Variants in DSC2 observed in about 807,000 individuals in gnomAD.
The protein encoded by DSC2 is desmocollin 2, also known as desmocollin-2.
Under a neutral mutation model 87.6 loss-of-function variants are expected in DSC2, and 51 were observed. The ratio of observed to expected loss-of-function variants is 0.58; its 90% CI spans 0.46 to 0.74. The LOEUF is 0.74. Among genes scored for constraint, DSC2 ranks in the 30% least tolerant of loss-of-function variants. The pLI, the probability that DSC2 is intolerant of heterozygous loss-of-function variation, is 0.00. For missense variants in DSC2, 1,066 were observed against 1,089.5 expected, an observed-to-expected ratio of 0.98 and a Z score of 0.30; for synonymous variants, 383 against 393.2, an observed-to-expected ratio of 0.97 and a Z score of 0.31.
At chr18:31,093,723 A>C in intron 1 of DSC2, 80 bp from the exon 2 acceptor site, 1 of 673,096 alleles carries the variant, frequency 1.5e-6, no homozygotes, top group Non-Finnish European at 2.0e-6. Context: ...ATAAATTATA[A>C]ATTTATAATG....
intron 8 of DSC2, 133 bp from the exon 9 acceptor site, chr18:31,082,556 AC>A (rs1987259732): frequency 1.2e-6 from 1 of 826,106 alleles, no homozygotes; most frequent in East Asian, 2.7e-5. Context: ...GCACTATACA[AC>A]TTTTAATGTC....
intron 9 of DSC2, among the ~76,000 whole-genome samples, chr18:31,081,174 G>GA (rs538376804): frequency 3.3e-5 from 5 of 152,136 alleles, no homozygotes; most frequent in East Asian, 1.9e-4. Flanking sequence ...ATGAGGAAGA[G>GA]AAAAAAATGG....
intron 15 of DSC2, 140 bp from the exon 16 acceptor site, chr18:31,068,352 T>G (rs894512402): frequency 6.2e-7 from 1 of 1,612,196 alleles, no homozygotes; most frequent in Non-Finnish European, 8.5e-7. Flanking sequence ...TTCCTATACA[T>G]AAAAAATGCA....
chr18:31,085,010 G>T (rs1297878987), intron 7 of DSC2, among the ~76,000 whole-genome samples: 1 of 152,080 alleles, frequency 6.6e-6, no homozygotes, highest in Non-Finnish European at 1.5e-5. Context: ...CACTCAAAGT[G>T]TAAGATAGAG....
chr18:31,091,065 T>C lies in DSC2; in HGVS notation c.437A>G (p.Glu146Gly), dbSNP rs575632427. 2 of 1,614,100 alleles carry C rather than the reference T, an allele frequency of 1.2e-6. No homozygotes were observed. Among genetic ancestry groups the C allele is most frequent in the Non-Finnish European group, 1.7e-6 (2 of 1,179,970 alleles). ...AAGTGGAAAAGGACCCAAGGAGTTT[T>C]CTAGCATCGAACAAGGAATTGGAGC... Reference protein sequence around the residue: ...RWAPIPCSMLENSLGPFPLFL... With the variant: ...RWAPIPCSMLGNSLGPFPLFL... Residue 146 changes from glutamate (E) to glycine (G), a missense_variant, in exon 4 of 16, where the codon GAA becomes GGA. Glu to Gly is a moderately conservative substitution (Grantham distance 98). Transcript: ENST00000280904.
rs1173697469 is a variant in DSC2, at chr18:31,089,350, A to C, written c.630+89T>G. The C allele has an allele frequency of 2.0e-6, 3 of 1,499,946 alleles. No individual in the cohort carries two copies. In the African/African-American group the frequency reaches 4.1e-5, roughly 21 times the overall value. 92.9% of individuals were successfully genotyped at this position (1,499,946 alleles called of 1,614,324 possible). On this transcript the variant is annotated intron_variant, in intron 5 of 15. Coordinates refer to ENST00000280904, the MANE Select transcript of DSC2 (RefSeq NM_024422.6). ...CCAGAGCATTGGTGACAAACTCAGAAAGCAGAAAAGGTTACGTGAATTGCA... is the reference window on the plus strand; with the variant it reads ...CCAGAGCATTGGTGACAAACTCAGACAGCAGAAAAGGTTACGTGAATTGCA...
Position 31,083,908 on chromosome 18 carries a change from G to A in DSC2, c.943-848C>T, listed in dbSNP as rs80239455. Among the ~76,000 whole-genome samples the A allele has an allele frequency of 3.4e-3, 511 of 152,192 alleles. 4 individuals carry two copies. The highest frequency in any genetic ancestry group is 0.012 in the African/African-American group (491 of 41,534). Reference sequence around the variant, plus strand: ...AAACAATACAGTAATAATGCTTTCCGGACTGAGCATTAGGAGACTTGGGTT... The same window carrying A: ...AAACAATACAGTAATAATGCTTTCCAGACTGAGCATTAGGAGACTTGGGTT... On this transcript the variant is annotated intron_variant, in intron 7 of 15. Coordinates refer to ENST00000280904, the MANE Select transcript of DSC2 (RefSeq NM_024422.6).
chr18:31,079,867 G>A lies in DSC2; in HGVS notation c.1643C>T (p.Thr548Ile), dbSNP rs1287710842. The change falls in exon 11 of 16, where the codon ACA (threonine) becomes ATA (isoleucine). Residue 548 changes from threonine to isoleucine, a missense_variant. Coordinates refer to ENST00000280904, the MANE Select transcript of DSC2 (RefSeq NM_024422.6). ...CTTACCTTGGTCTGATGCAAGGACT[G>A]TAATATTATATATGCCATTTTTGAT... ...ETIKNGIYNI[T>I]VLASDQGGRT... The A allele has an allele frequency of 6.2e-7, 1 of 1,613,786 alleles. No individual in the cohort carries two copies. Among genetic ancestry groups the A allele is most frequent in the African/African-American group, 1.3e-5 (1 of 74,900 alleles).
At chr18:31,099,506 T>C (rs527544922) in intron 1 of DSC2, among the ~76,000 whole-genome samples, 2 of 151,792 alleles carry the variant, frequency 1.3e-5, no homozygotes, top group South Asian at 4.2e-4. Context: ...TTATGTCATT[T>C]TTACCAAACC....
chr18:31,062,293 A>C lies in DSC2; in HGVS notation c.*5722T>G, dbSNP rs576952703. 6.6e-6 allele frequency: 1 copy of C among 152,302 alleles called. No individual in the cohort carries two copies. Among genetic ancestry groups the C allele is most frequent in the East Asian group, 1.9e-4 (1 of 5,184 alleles). 9.4% of individuals were successfully genotyped at this position (152,302 alleles called of 1,614,324 possible). ...AGGCCTGACTTACAACATTTTATAA[A>C]TAACTAATGGGAATTTTGGCAAACT... On this transcript the variant is annotated 3_prime_UTR_variant, in exon 16 of 16. Coordinates refer to ENST00000280904, the MANE Select transcript of DSC2 (RefSeq NM_024422.6).
At chr18:31,101,359 G>T (rs1987942721) in intron 1 of DSC2, 1 of 801,684 alleles carries the variant, frequency 1.2e-6, no homozygotes, top group South Asian at 5.7e-5. Flanking sequence ...AAGGACACTC[G>T]CTCTCCGTCC....
At chr18:31,068,310 T>G in intron 15 of DSC2, 98 bp from the exon 16 acceptor site, 1 of 1,613,738 alleles carries the variant, frequency 6.2e-7, no homozygotes. Flanking sequence ...TTTCATTGTT[T>G]AATTTTTAAT....
intron 3 of DSC2, among the ~76,000 whole-genome samples, chr18:31,091,845 T>C (rs1987610298): frequency 6.6e-6 from 1 of 152,194 alleles, no homozygotes. Context: ...AATGCTGCTT[T>C]GTGTCTAATC....
chr18:31,071,901 T>C, intron 12 of DSC2, 60 bp from the exon 13 acceptor site: 2 of 1,401,632 alleles, frequency 1.4e-6, no homozygotes, highest in Non-Finnish European at 2.0e-6. Flanking sequence ...CTTCTGAACA[T>C]AAATAACTCA....
chr18:31,065,674 G>A lies in DSC2; in HGVS notation c.*2341C>T, dbSNP rs1986597346. The A allele has an allele frequency of 6.6e-6, 1 of 151,818 alleles. No homozygotes were observed. Among genetic ancestry groups the A allele is most frequent in the South Asian group, 2.1e-4 (1 of 4,816 alleles). The allele number at this position is 151,818 out of a possible 1,614,324, so 9.4% of individuals were successfully genotyped here. ...AAGAAGCCAAGGAAGGGATTGACAG[G>A]GAGAATCTAAAATACACATAATTTT... On this transcript the variant is annotated 3_prime_UTR_variant, in exon 16 of 16. Transcript: ENST00000280904.
intron 1 of DSC2, 101 bp from the exon 2 acceptor site, chr18:31,093,744 A>G: frequency 4.8e-6 from 2 of 412,716 alleles, no homozygotes; most frequent in Non-Finnish European, 7.1e-6. Context: ...ATATACACAT[A>G]AAAAGGCATA....
chr18:31,097,706 G>C (rs1208789681), intron 1 of DSC2, among the ~76,000 whole-genome samples: 1 of 151,782 alleles, frequency 6.6e-6, no homozygotes, highest in Non-Finnish European at 1.5e-5. Context: ...TTGACCCACA[G>C]GAATTGGAAA....
At chr18:31,079,509 C>G (rs559051113) in intron 11 of DSC2, among the ~76,000 whole-genome samples, 1 of 152,264 alleles carries the variant, frequency 6.6e-6, no homozygotes, top group South Asian at 2.1e-4. Context: ...CCAGCCTTAG[C>G]CTCCCAAAGT....
intron 11 of DSC2, 128 bp from the exon 12 acceptor site, chr18:31,075,035 A>T: frequency 2.1e-6 from 2 of 966,686 alleles, no homozygotes; most frequent in Non-Finnish European, 3.2e-6. Flanking sequence ...AAGCAGTCAC[A>T]AGCTATGTCC....
Sources: gnomAD v4.1 joint callset for allele counts (sites outside exome capture counted in the v4.1 genomes callset) on GRCh38, gnomAD v4.1.1 for gene constraint, MANE v1.5 for transcripts, NCBI Gene and HGNC (gene_info 2026-07-23, HGNC 2026-07-21) for gene names.